SLC44A5: variants seen among roughly 807,000 people sequenced by gnomAD.
SLC44A5 encodes choline transporter-like protein 5.
In SLC44A5, 57 loss-of-function variants were observed where a neutral mutation model predicts 101.8. The observed-to-expected ratio is 0.56, with a 90% CI of 0.45 to 0.70. The LOEUF is 0.70. Ranked by LOEUF, SLC44A5 falls within the 30% of genes least tolerant of loss-of-function variation. The pLI, the probability that SLC44A5 is intolerant of heterozygous loss-of-function variation, is 0.00. For synonymous variants in SLC44A5, 281 were observed against 290.9 expected (o/e 0.97, Z 0.35); for missense variants, 737 against 853.1 (o/e 0.86, Z 1.70).
At chr1:75,609,884 A>G (rs1051608380) in intron 1 of SLC44A5, among the ~76,000 whole-genome samples, 17 of 152,038 alleles carry the variant, frequency 1.1e-4, no homozygotes, top group African/African-American at 3.4e-4. Flanking sequence ...AAGAGTAAGC[A>G]TTTATTATAT....
intron 2 of SLC44A5, among the ~76,000 whole-genome samples, chr1:75,486,240 G>C (rs1668142277): frequency 6.6e-6 from 1 of 152,070 alleles, no homozygotes; most frequent in Non-Finnish European, 1.5e-5. Context: ...TTGTCATTCT[G>C]TCCTTGATAT....
At chr1:75,718,295 A>G in the SLC44A5 span, among the ~76,000 whole-genome samples, 1 of 152,162 alleles carries the variant, frequency 6.6e-6, no homozygotes, top group Non-Finnish European at 1.5e-5. Context: ...CAGAGGGTAG[A>G]GTAGAAGATG....
intron 1 of SLC44A5, among the ~76,000 whole-genome samples, chr1:75,544,237 C>G (rs1671520458): frequency 6.6e-6 from 1 of 152,122 alleles, no homozygotes; most frequent in Non-Finnish European, 1.5e-5. Context: ...CTTTGCCCTT[C>G]CACCATGTGA....
chr1:75,484,227 T>C (rs865845601), intron 2 of SLC44A5, among the ~76,000 whole-genome samples: 1 of 152,148 alleles, frequency 6.6e-6, no homozygotes, highest in African/African-American at 2.4e-5. Flanking sequence ...ACAAGGCAAG[T>C]CCCTTCCACC....
At chr1:75,704,259 T>C in the SLC44A5 span, among the ~76,000 whole-genome samples, 2 of 152,318 alleles carry the variant, frequency 1.3e-5, no homozygotes, top group South Asian at 4.1e-4. Context: ...GTTATGCCCA[T>C]AGGCTTCTGA....
chr1:75,315,013 T>A (rs563141440), intron 4 of SLC44A5, among the ~76,000 whole-genome samples: 1 of 152,088 alleles, frequency 6.6e-6, no homozygotes, highest in African/African-American at 2.4e-5. Context: ...GGAATTTAGA[T>A]TCTATCTACA....
the SLC44A5 span, among the ~76,000 whole-genome samples, chr1:75,645,187 C>T: frequency 6.6e-6 from 1 of 152,078 alleles, no homozygotes; most frequent in Non-Finnish European, 1.5e-5. Context: ...TTCTAGATCC[C>T]TGAGGAATCG....
intron 2 of SLC44A5, among the ~76,000 whole-genome samples, chr1:75,537,034 A>AAACAAAAAAAAAAAAG (rs1553199990): frequency 5.4e-5 from 1 of 18,648 alleles, no homozygotes; most frequent in Non-Finnish European, 1.6e-4. Flanking sequence ...AAAAAAAAAA[A>AAACAAAAAAAAAAAAG]TATATATCTA....
intron 3 of SLC44A5, among the ~76,000 whole-genome samples, chr1:75,368,182 CA>C (rs1659985285): frequency 6.6e-6 from 1 of 150,950 alleles, no homozygotes; most frequent in Non-Finnish European, 1.5e-5. Flanking sequence ...ATTAAAAAAA[CA>C]CTCATAAATA....
intron 2 of SLC44A5, among the ~76,000 whole-genome samples, chr1:75,425,738 C>A (rs902279771): frequency 1.3e-5 from 2 of 152,176 alleles, no homozygotes; most frequent in Admixed American, 6.5e-5. Flanking sequence ...CCCCCTTGAA[C>A]ATGCCATGCT....
At chr1:75,611,813 T>C (rs187135691), upstream of SLC44A5, among the ~76,000 whole-genome samples, 9 of 152,182 alleles carry the variant, frequency 5.9e-5, no homozygotes, top group East Asian at 1.7e-3. Flanking sequence ...TTAGAGGCTT[T>C]CTCATGTCCC....
rs114797653 is a variant in SLC44A5 at position 75,360,594 on chromosome 1, C to A, written c.53-20964G>T. Among the ~76,000 whole-genome samples the A allele has an allele frequency of 9.2e-3, 1,405 of 152,208 alleles. 29 individuals are homozygous for A. The highest frequency in any genetic ancestry group is 0.032 in the African/African-American group (1,346 of 41,528). The stretch of plus-strand genomic sequence containing the variant: ...TTTTTCCCATTGAGTGTTCTTAGCA[C>A]CTTTGTTGAAAATCACTTGAATGTA... On this transcript the variant is annotated intron_variant, in intron 3 of 23. Coordinates refer to ENST00000370859, the MANE Select transcript of SLC44A5 (RefSeq NM_001130058.2).
intron 5 of SLC44A5, among the ~76,000 whole-genome samples, chr1:75,280,487 A>G (rs112288765): frequency 1.6e-5 from 2 of 122,162 alleles, no homozygotes; most frequent in Admixed American, 1.1e-4. Context: ...TGTATATATT[A>G]TATATATTAT....
intron 3 of SLC44A5, among the ~76,000 whole-genome samples, chr1:75,390,318 A>G (rs2101349480): frequency 6.6e-6 from 1 of 151,902 alleles, no homozygotes; most frequent in South Asian, 2.1e-4. Flanking sequence ...CAAAACCAGC[A>G]TCATTCTGAT....
At chr1:75,497,017 GCA>G (rs1668713373) in intron 2 of SLC44A5, among the ~76,000 whole-genome samples, 2 of 152,046 alleles carry the variant, frequency 1.3e-5, no homozygotes, top group Non-Finnish European at 2.9e-5. Context: ...GGGAACTCTT[GCA>G]CAGTTATCAA....
intron 3 of SLC44A5, among the ~76,000 whole-genome samples, chr1:75,345,252 A>T (rs1285013379): frequency 2.0e-5 from 3 of 150,452 alleles, no homozygotes. Context: ...AAGCTGACAA[A>T]GGAAGTAAGG....
chr1:75,461,369 C>T (rs186947053), intron 2 of SLC44A5, among the ~76,000 whole-genome samples: 68 of 152,258 alleles, frequency 4.5e-4, no homozygotes, highest in African/African-American at 1.5e-3. Context: ...CCTTCACACA[C>T]GTGTTATCTT....
intron 2 of SLC44A5, among the ~76,000 whole-genome samples, chr1:75,423,430 A>T (rs1200235332): frequency 1.3e-5 from 2 of 152,144 alleles, no homozygotes; most frequent in Non-Finnish European, 2.9e-5. Flanking sequence ...ATATCTTTAA[A>T]CTATTGCTTG....
intron 2 of SLC44A5, among the ~76,000 whole-genome samples, chr1:75,419,454 A>G (rs1308694127): frequency 1.3e-5 from 2 of 151,956 alleles, no homozygotes; most frequent in African/African-American, 4.8e-5. Flanking sequence ...TGACATCTTT[A>G]AAGTGCTAAA....
Sources: gnomAD v4.1 joint callset for allele counts (sites outside exome capture counted in the v4.1 genomes callset) on GRCh38, gnomAD v4.1.1 for gene constraint, MANE v1.5 for transcripts, NCBI Gene and HGNC (gene_info 2026-07-23, HGNC 2026-07-21) for gene names.